The following TLL1 variants were observed in gnomAD, a reference collection of about 807,000 sequenced individuals.
TLL1 encodes tolloid like 1.
TLL1 carries 49 observed loss-of-function variants against 128.2 expected under a neutral mutation model. The observed-to-expected ratio is 0.38, with a 90% CI of 0.30 to 0.48. The LOEUF is 0.48. TLL1 is among the 20% of genes least tolerant of loss of function. The pLI, the probability that TLL1 is intolerant of heterozygous loss-of-function variation, is 0.96. For missense variants in TLL1, 1,123 were observed against 1,242.0 expected (o/e 0.90, Z 1.44); for synonymous variants, 454 against 418.8 (o/e 1.08, Z -1.03).
intron 1 of TLL1, among the ~76,000 whole-genome samples, chr4:165,910,125 C>G (rs1471952306): frequency 6.6e-6 from 1 of 152,112 alleles, no homozygotes; most frequent in Non-Finnish European, 1.5e-5. Context: ...AACTTGGATA[C>G]CAGTCCTGGC....
chr4:165,931,494 G>A (rs535991779), intron 1 of TLL1, among the ~76,000 whole-genome samples: 28 of 151,644 alleles, frequency 1.8e-4, no homozygotes, highest in African/African-American at 4.4e-4. Context: ...CAAGGCGGGC[G>A]GATCACGAGG....
At chr4:165,933,175 G>T (rs1733607111) in intron 1 of TLL1, among the ~76,000 whole-genome samples, 1 of 152,082 alleles carries the variant, frequency 6.6e-6, no homozygotes, top group South Asian at 2.1e-4. Flanking sequence ...AGTTATCTCT[G>T]CCTCATTCTG....
In TLL1 at chr4:166,086,234, T is replaced by C. The variant is rs115719062; in HGVS notation, c.2443-4894T>C. Among the ~76,000 whole-genome samples, 26 of 152,244 alleles carry C rather than the reference T, an allele frequency of 1.7e-4. 1 individual carries two copies. The South Asian group carries it at 2.9e-3, about 17-fold the overall frequency. ...CTGTACATTAATATGAGAACTGAAC[T>C]ATCAGAGTCAGTTTATTATAGATTT... On this transcript the variant is annotated intron_variant, in intron 18 of 20. Transcript: ENST00000061240.
At chr4:166,087,667 A>G (rs910188441) in intron 18 of TLL1, among the ~76,000 whole-genome samples, 3 of 152,126 alleles carry the variant, frequency 2.0e-5, no homozygotes, top group Non-Finnish European at 2.9e-5. Flanking sequence ...TTGTGAATAT[A>G]TGCAGTTACT....
chr4:166,038,490 G>GGA (rs540308429), intron 9 of TLL1, among the ~76,000 whole-genome samples: 35 of 145,524 alleles, frequency 2.4e-4, no homozygotes, highest in Non-Finnish European at 1.8e-4. Flanking sequence ...TTTTGAATGT[G>GGA]AAAAAAAAAA....
intron 1 of TLL1, among the ~76,000 whole-genome samples, chr4:165,875,884 T>A (rs1730702474): frequency 1.3e-5 from 2 of 152,004 alleles, no homozygotes; most frequent in Non-Finnish European, 2.9e-5. Context: ...TTTAGTTTCC[T>A]CAGCAAATAA....
chr4:165,956,406 A>G (rs1331904135), intron 1 of TLL1, among the ~76,000 whole-genome samples: 1 of 152,070 alleles, frequency 6.6e-6, no homozygotes, highest in African/African-American at 2.4e-5. Context: ...GCGGCCGTTT[A>G]TAGACCTCCC....
chr4:166,102,301 T>C lies in TLL1; in HGVS notation c.*1425T>C, dbSNP rs1448879506. ...TAAATATGGTGTCCTGCTTTTTTTG[T>C]AGAAAATGTAATTTGAGGATGAATT... On this transcript the variant is annotated 3_prime_UTR_variant, in exon 21 of 21. Transcript: ENST00000061240. 1 of 152,488 alleles carries C rather than the reference T, an allele frequency of 6.6e-6. No individual in the cohort carries two copies. 9.4% of individuals were successfully genotyped at this position (152,488 alleles called of 1,614,324 possible).
intron 1 of TLL1, among the ~76,000 whole-genome samples, chr4:165,880,540 TC>T (rs1247250950): frequency 2.6e-5 from 4 of 152,230 alleles, no homozygotes; most frequent in African/African-American, 9.6e-5. Flanking sequence ...TATTATTTTT[TC>T]CCAATCAAAA....
chr4:165,922,657 T>C (rs1462045838), intron 1 of TLL1, among the ~76,000 whole-genome samples: 2 of 152,250 alleles, frequency 1.3e-5, no homozygotes, highest in African/African-American at 4.8e-5. Context: ...AGAAGATTAA[T>C]GTGCCACTTT....
At position 165,962,524 on chromosome 4, in the gene TLL1, G is replaced by T. The variant is rs151069844; in HGVS notation, c.170-26857G>T. Among the ~76,000 whole-genome samples, 249 of 152,244 alleles carry T rather than the reference G, an allele frequency of 1.6e-3. 2 individuals are homozygous for T. The Middle Eastern group carries it at 0.02, about 12-fold the overall frequency. ...GAGAGCAGTTTGGAGATTTCTCGAAGAACTGAGAGTCAAATTACCATGTAA... is the reference window on the plus strand; with the variant it reads ...GAGAGCAGTTTGGAGATTTCTCGAATAACTGAGAGTCAAATTACCATGTAA... On this transcript the variant is annotated intron_variant, in intron 1 of 20. Transcript: ENST00000061240.
At chr4:166,030,615 C>A in intron 9 of TLL1, 1 of 668,612 alleles carries the variant, frequency 1.5e-6, no homozygotes, top group South Asian at 5.3e-5. Flanking sequence ...CCTGTGTTTT[C>A]TTCTATGAGT....
intron 10 of TLL1, among the ~76,000 whole-genome samples, chr4:166,041,256 T>TAAA: frequency 6.6e-6 from 1 of 151,972 alleles, no homozygotes; most frequent in East Asian, 1.9e-4. Flanking sequence ...CCTAGGTGAA[T>TAAA]AAAGAACTCC....
intron 9 of TLL1, among the ~76,000 whole-genome samples, chr4:166,028,621 T>A (rs1738616454): frequency 6.6e-6 from 1 of 152,038 alleles, no homozygotes; most frequent in Non-Finnish European, 1.5e-5. Context: ...CTTCATAGCC[T>A]TGTTAATTTT....
chr4:166,047,982 A>G (rs1032221795), intron 12 of TLL1, among the ~76,000 whole-genome samples: 2 of 152,228 alleles, frequency 1.3e-5, no homozygotes, highest in African/African-American at 4.8e-5. Context: ...CATGCCTGTA[A>G]TCTCAGCACT....
At chr4:166,011,693 G>A (rs1737702870) in intron 7 of TLL1, among the ~76,000 whole-genome samples, 2 of 151,340 alleles carry the variant, frequency 1.3e-5, no homozygotes, top group South Asian at 4.2e-4. Flanking sequence ...GACAAGGGTG[G>A]GCATCCTTGC....
At position 165,992,851 on chromosome 4, in the gene TLL1, C is replaced by G; in HGVS notation, c.328C>G (p.Gln110Glu). The G allele has an allele frequency of 6.2e-7, 1 of 1,613,260 alleles. No homozygotes were observed. Among genetic ancestry groups the G allele is most frequent in the South Asian group, 1.1e-5 (1 of 91,064 alleles). ...AMSKKRGALY[Q>E]LIDRIRRIGF... ...GTCAAAGAAGCGAGGGGCCCTCTAC[C>G]AACTTATAGACAGGATAAGAAGAAT... The change falls in exon 3 of 21, where the codon CAA becomes GAA. Residue 110 changes from glutamine to glutamate, a missense_variant. Physicochemically the swap from Gln to Glu is conservative, Grantham distance 29. Transcript: ENST00000061240.
chr4:166,092,906 C>T (rs1302454815), intron 19 of TLL1, among the ~76,000 whole-genome samples: 1 of 152,120 alleles, frequency 6.6e-6, no homozygotes, highest in Non-Finnish European at 1.5e-5. Context: ...TCTCAGTTTT[C>T]TCATCTGTAA....
At chr4:165,999,893 A>G (rs1737071440) in intron 5 of TLL1, among the ~76,000 whole-genome samples, 1 of 152,260 alleles carries the variant, frequency 6.6e-6, no homozygotes, top group Non-Finnish European at 1.5e-5. Flanking sequence ...AGGCAGAACC[A>G]GTTCCACCTT....
Sources: gnomAD v4.1 joint callset for allele counts (sites outside exome capture counted in the v4.1 genomes callset) on GRCh38, gnomAD v4.1.1 for gene constraint, MANE v1.5 for transcripts, NCBI Gene and HGNC (gene_info 2026-07-23, HGNC 2026-07-21) for gene names.